LRRD1: variants seen among roughly 807,000 people sequenced by gnomAD.
The protein encoded by LRRD1 is leucine-rich repeat and death domain-containing protein 1.
A neutral mutation model predicts 69.5 loss-of-function variants in LRRD1; 49 were observed. The observed-to-expected ratio is 0.70, with a 90% CI of 0.56 to 0.89. LRRD1 has a LOEUF of 0.89. Ranked by LOEUF, LRRD1 falls within the 40% of genes least tolerant of loss-of-function variation. LRRD1 has a pLI of 0.00. For missense variants in LRRD1, 853 were observed against 956.0 expected, an observed-to-expected ratio of 0.89 and a Z score of 1.42; for synonymous variants, 303 against 338.9, an observed-to-expected ratio of 0.89 and a Z score of 1.16.
At chr7:92,177,710 A>C (rs1789228042) in intron 1 of LRRD1, among the ~76,000 whole-genome samples, 1 of 152,178 alleles carries the variant, frequency 6.6e-6, no homozygotes, top group African/African-American at 2.4e-5. Context: ...AATTATGCCA[A>C]ATTCCTGAGC....
At chr7:92,169,418 C>T (rs61001061) in intron 1 of LRRD1, among the ~76,000 whole-genome samples, 6 of 151,054 alleles carry the variant, frequency 4.0e-5, no homozygotes, top group Non-Finnish European at 5.9e-5. Flanking sequence ...TTTGGGAGGC[C>T]GAGACAGGTG....
In LRRD1 at chr7:92,152,674, CTTTTTTT is replaced by C. The variant is rs375384141; in HGVS notation, c.2117-1986_2117-1980del. Among the ~76,000 whole-genome samples, 3 of 139,906 alleles carry C rather than the reference CTTTTTTT, an allele frequency of 2.1e-5. No homozygotes were observed. The Admixed American group carries it at 2.2e-4, about 10-fold the overall frequency. 91.8% of individuals were successfully genotyped at this position (139,906 alleles called of 152,430 possible). A position where few individuals can be genotyped will look rare whatever the true frequency, so the allele number is the denominator to read the frequency against. On this transcript the variant is annotated intron_variant, in intron 3 of 5. Transcript: ENST00000458448. Reference sequence around the variant, plus strand: ...TTATCAGATTTTAATTTTAACTATTCTTTTTTTTTTTTTTTGGATGGAGTCTCGCTCT... The same window carrying C: ...TTATCAGATTTTAATTTTAACTATTCTTTTTTTTGGATGGAGTCTCGCTCT...
At chr7:92,177,201 T>C (rs746366416) in intron 1 of LRRD1, among the ~76,000 whole-genome samples, 2 of 151,780 alleles carry the variant, frequency 1.3e-5, no homozygotes, top group Non-Finnish European at 2.9e-5. Context: ...AGATTTTTTA[T>C]GCCCATGTTC....
chr7:92,174,501 A>ATT (rs1329555146), intron 1 of LRRD1, among the ~76,000 whole-genome samples: 2 of 20,028 alleles, frequency 1.0e-4, no homozygotes, highest in South Asian at 1.8e-3. Context: ...ATATATATAT[A>ATT]TATATATATT....
At chr7:92,148,364 C>G (rs980074702) in intron 4 of LRRD1, among the ~76,000 whole-genome samples, 1 of 152,078 alleles carries the variant, frequency 6.6e-6, no homozygotes, top group Non-Finnish European at 1.5e-5. Context: ...GAGCCACTGC[C>G]CCCAGCCTGT....
Position 92,165,014 on chromosome 7 carries a change from A to G in LRRD1, c.189T>C (p.Asn63=). The G allele has an allele frequency of 6.4e-7, 1 of 1,551,384 alleles. No homozygotes were observed. Among genetic ancestry groups the G allele is most frequent in the East Asian group, 2.4e-5 (1 of 40,862 alleles). The change falls in exon 2 of 6, where the codon AAT becomes AAC. Residue 63 remains asparagine, a synonymous_variant. Transcript: ENST00000458448. The part of the protein sequence containing the change: ...NQIYETHPRQ[N]TLESTSSSGR... ...CAGAGGAAGATGTTGACTCTAATGT[A>G]TTCTGTCTAGGATGTGTTTCATAAA...
At chr7:92,155,727 C>T (rs568700083) in intron 3 of LRRD1, among the ~76,000 whole-genome samples, 1 of 152,324 alleles carries the variant, frequency 6.6e-6, no homozygotes, top group South Asian at 2.1e-4. Flanking sequence ...AGTCCCGAAA[C>T]CTCAAAAGTA....
At chr7:92,165,341 C>A in intron 1 of LRRD1, 65 bp from the exon 2 acceptor site, 1 of 423,334 alleles carries the variant, frequency 2.4e-6, no homozygotes, top group Non-Finnish European at 4.1e-6. Flanking sequence ...AATCTTAATA[C>A]AACTATTTTA....
In LRRD1 at chr7:92,170,143, CGGAAGGAA is replaced by C. The variant is rs1042235399; in HGVS notation, c.-74-4875_-74-4868del. On this transcript the variant is annotated intron_variant, in intron 1 of 5. Transcript: ENST00000458448. Reference sequence around the variant, plus strand: ...AAGGAAGGAAGGGAGGAAGGAAGGACGGAAGGAAGGAAGGAAGGAGGGAAGGAAGGAAA... The same window carrying C: ...AAGGAAGGAAGGGAGGAAGGAAGGACGGAAGGAAGGAGGGAAGGAAGGAAA... Among the ~76,000 whole-genome samples, 6 of 124,668 alleles carry C rather than the reference CGGAAGGAA, an allele frequency of 4.8e-5. No homozygotes were observed. The East Asian group carries it at 1.1e-3, about 23-fold the overall frequency. The allele number at this position is 124,668 out of a possible 152,430, so 81.8% of individuals were successfully genotyped here.
At chr7:92,147,136 G>C (rs930577988) in intron 4 of LRRD1, among the ~76,000 whole-genome samples, 2 of 150,704 alleles carry the variant, frequency 1.3e-5, no homozygotes, top group East Asian at 3.9e-4. Flanking sequence ...ATGTGATCTG[G>C]TCTCACCGCA....
At chr7:92,162,193 A>G (rs909425858) in intron 2 of LRRD1, among the ~76,000 whole-genome samples, 4 of 152,242 alleles carry the variant, frequency 2.6e-5, no homozygotes, top group African/African-American at 9.6e-5. Flanking sequence ...GAAATGTAGT[A>G]TATGACAGCT....
At chr7:92,169,578 A>T (rs1789003691) in intron 1 of LRRD1, among the ~76,000 whole-genome samples, 1 of 151,672 alleles carries the variant, frequency 6.6e-6, no homozygotes, top group Non-Finnish European at 1.5e-5. Context: ...TAAACCCAAG[A>T]GGCAGAGGTT....
Position 92,167,925 on chromosome 7 carries a change from A to G in LRRD1, c.-74-2649T>C, listed in dbSNP as rs1788956643. 4.0e-5 allele frequency among the ~76,000 whole-genome samples: 6 copies of G among 148,822 alleles called. No individual in the cohort carries two copies. In the South Asian group the frequency reaches 1.3e-3, roughly 32 times the overall value. On this transcript the variant is annotated intron_variant, in intron 1 of 5. Coordinates refer to ENST00000458448, the MANE Select transcript of LRRD1 (RefSeq NM_001161528.2). The stretch of plus-strand genomic sequence containing the variant: ...AAAAAAAAATAAGTTATTCTGCTCT[A>G]AGATTCTGTTAAAAATGCTTGATAA...
intron 4 of LRRD1, among the ~76,000 whole-genome samples, chr7:92,150,219 A>T (rs1368036822): frequency 2.0e-5 from 3 of 152,178 alleles, no homozygotes; most frequent in African/African-American, 4.8e-5. Flanking sequence ...TAATCCCAAC[A>T]CTGAGAGACC....
intron 3 of LRRD1, among the ~76,000 whole-genome samples, chr7:92,155,531 G>T (rs1374474282): frequency 6.6e-6 from 1 of 152,148 alleles, no homozygotes; most frequent in Non-Finnish European, 1.5e-5. Context: ...GTCAGTCAGG[G>T]TTCTCTAGAG....
intron 4 of LRRD1, among the ~76,000 whole-genome samples, chr7:92,146,805 C>T (rs377660947): frequency 6.6e-6 from 1 of 151,002 alleles, no homozygotes; most frequent in African/African-American, 2.4e-5. Flanking sequence ...GCCTGTAATC[C>T]CAGCTACTCG....
intron 3 of LRRD1, among the ~76,000 whole-genome samples, chr7:92,153,073 TTTTTA>T (rs1788548938): frequency 1.3e-5 from 2 of 152,298 alleles, no homozygotes; most frequent in East Asian, 1.9e-4. Context: ...CTTTCTTTCT[TTTTTA>T]TTTTGAGACA....
intron 1 of LRRD1, among the ~76,000 whole-genome samples, chr7:92,174,007 T>C (rs1437165947): frequency 2.6e-5 from 4 of 152,104 alleles, no homozygotes; most frequent in African/African-American, 9.7e-5. Context: ...TAAGAAAGAA[T>C]AAAATCCTGT....
At chr7:92,152,985 A>G (rs1228939809) in intron 3 of LRRD1, among the ~76,000 whole-genome samples, 2 of 152,058 alleles carry the variant, frequency 1.3e-5, no homozygotes, top group Non-Finnish European at 2.9e-5. Context: ...AACTATTCTA[A>G]TAGCAATATT....
Sources: gnomAD v4.1 joint callset for allele counts (sites outside exome capture counted in the v4.1 genomes callset) on GRCh38, gnomAD v4.1.1 for gene constraint, MANE v1.5 for transcripts, NCBI Gene and HGNC (gene_info 2026-07-23, HGNC 2026-07-21) for gene names.